PCCA: variants seen among roughly 807,000 people sequenced by gnomAD.
The protein encoded by PCCA is propionyl-CoA carboxylase alpha chain, mitochondrial.
PCCA carries 74 observed loss-of-function variants against 101.3 expected under a neutral mutation model. The ratio of observed to expected loss-of-function variants is 0.73; its 90% CI spans 0.61 to 0.89. The LOEUF (loss-of-function observed/expected upper bound fraction) is 0.89. Among genes scored for constraint, PCCA ranks in the 40% least tolerant of loss-of-function variants. The probability of loss-of-function intolerance (pLI) is 0.00; values close to 1 mark genes in which losing one functional copy is unlikely to be tolerated. For missense variants in PCCA, 891 were observed against 907.0 expected, an observed-to-expected ratio of 0.98 and a Z score of 0.23; for synonymous variants, 294 against 313.6, an observed-to-expected ratio of 0.94 and a Z score of 0.66.
At chr13:100,424,317 G>A (rs1331353262) in intron 19 of PCCA, among the ~76,000 whole-genome samples, 1 of 152,066 alleles carries the variant, frequency 6.6e-6, no homozygotes, top group Non-Finnish European at 1.5e-5. Flanking sequence ...GGGCGGGGGT[G>A]GTGCTCCTGG....
rs115931806 is a variant in PCCA at position 100,225,580 on chromosome 13, C to G, written c.601-10262C>G. Among the ~76,000 whole-genome samples the G allele has an allele frequency of 4.4e-3, 674 of 152,048 alleles. 13 individuals are homozygous for G. Among genetic ancestry groups the G allele is most frequent in the African/African-American group, 0.016 (645 of 41,476 alleles). On this transcript the variant is annotated intron_variant, in intron 7 of 23. Coordinates refer to ENST00000376285, the MANE Select transcript of PCCA (RefSeq NM_000282.4). ...GTGAAGGAAATCATTTAAAAAAGAC[C>G]CTAAAAACAAAAACCAAAAAATTGG... is the stretch of plus-strand genomic sequence containing the variant.
chr13:100,123,993 A>G (rs544173159), intron 4 of PCCA, among the ~76,000 whole-genome samples: 3 of 152,308 alleles, frequency 2.0e-5, no homozygotes, highest in South Asian at 2.1e-4. Context: ...ACATGGGCCC[A>G]TTTCATTAGT....
chr13:100,463,999 G>A (rs997709689), intron 21 of PCCA, among the ~76,000 whole-genome samples: 1 of 152,098 alleles, frequency 6.6e-6, no homozygotes, highest in African/African-American at 2.4e-5. Flanking sequence ...AATGCCTTAC[G>A]CGTGTATGGT....
chr13:100,489,660 G>A (rs4772293), intron 21 of PCCA, among the ~76,000 whole-genome samples: 51,589 of 152,088 alleles, frequency 0.34, 9,351 homozygotes, highest in East Asian at 0.57. Flanking sequence ...CGGAATGGCC[G>A]GCCAAATTTA....
At position 100,515,573 on chromosome 13, in the gene PCCA, G is replaced by C. The variant is rs1266801456; in HGVS notation, c.2040+6G>C. The stretch of plus-strand genomic sequence containing the variant: ...CTGTCAAGCCTGGAGACGCGGTAAG[G>C]GCTGTGTGTGTCTCTCTGCAGGACA... On this transcript the variant is annotated splice_donor_region_variant and intron_variant, in intron 22 of 23. Transcript: ENST00000376285. 6.2e-7 allele frequency: 1 copy of C among 1,613,168 alleles called. No homozygotes were observed. The highest frequency in any genetic ancestry group is 8.5e-7 in the Non-Finnish European group (1 of 1,179,898).
chr13:100,177,339 T>G lies in PCCA; in HGVS notation c.468+19999T>G, dbSNP rs1339846346. Among the ~76,000 whole-genome samples, 6 of 152,106 alleles carry G rather than the reference T, an allele frequency of 3.9e-5. No individual in the cohort carries two copies. In the East Asian group the frequency reaches 1.2e-3, roughly 29 times the overall value. On this transcript the variant is annotated intron_variant, in intron 6 of 23. Transcript: ENST00000376285. Reference sequence around the variant, plus strand: ...CATTGCCAGCTTTCTAGTGTCAGAGTAGTATTTATTTGTTAATTTTGTAGA... The same window carrying G: ...CATTGCCAGCTTTCTAGTGTCAGAGGAGTATTTATTTGTTAATTTTGTAGA...
At chr13:100,303,048 T>G in intron 14 of PCCA, 50 bp downstream of exon 14, 1 of 1,006,392 alleles carries the variant, frequency 9.9e-7, no homozygotes. Flanking sequence ...TCGTGATTTA[T>G]GTCATACTTT....
At chr13:100,125,344 G>T (rs1458459422) in intron 4 of PCCA, among the ~76,000 whole-genome samples, 1 of 152,100 alleles carries the variant, frequency 6.6e-6, no homozygotes, top group East Asian at 1.9e-4. Flanking sequence ...TCTTACAAAA[G>T]GTATTTATAG....
intron 13 of PCCA, among the ~76,000 whole-genome samples, chr13:100,302,692 T>C (rs994664446): frequency 6.6e-6 from 1 of 152,204 alleles, no homozygotes; most frequent in African/African-American, 2.4e-5. Flanking sequence ...TTTACCAATT[T>C]CAATAAAGTA....
intron 12 of PCCA, among the ~76,000 whole-genome samples, chr13:100,276,254 T>A (rs1385778100): frequency 2.1e-5 from 3 of 146,074 alleles, no homozygotes; most frequent in African/African-American, 7.4e-5. Flanking sequence ...ATTAGAAATC[T>A]TAGTTTGGCC....
At chr13:100,106,943 A>C (rs1295451044) in intron 2 of PCCA, among the ~76,000 whole-genome samples, 1 of 152,146 alleles carries the variant, frequency 6.6e-6, no homozygotes, top group East Asian at 1.9e-4. Context: ...GTACATGTTC[A>C]GACTAAGTTG....
intron 12 of PCCA, among the ~76,000 whole-genome samples, chr13:100,295,894 A>G (rs564322480): frequency 8.8e-4 from 134 of 152,232 alleles, no homozygotes; most frequent in Non-Finnish European, 1.5e-3. Flanking sequence ...TTTTCCCTTA[A>G]AACTGATTTT....
intron 7 of PCCA, among the ~76,000 whole-genome samples, chr13:100,233,400 A>T (rs944893136): frequency 5.1e-4 from 78 of 152,134 alleles, no homozygotes; most frequent in Admixed American, 5.0e-3. Context: ...TGAGCTTTTA[A>T]TTTAATCTTT....
intron 6 of PCCA, among the ~76,000 whole-genome samples, chr13:100,177,758 C>G (rs1289221804): frequency 1.3e-5 from 2 of 152,118 alleles, no homozygotes; most frequent in Non-Finnish European, 2.9e-5. Flanking sequence ...TAACTCAAGT[C>G]TTCAAACATT....
chr13:100,473,565 A>G (rs2083185687), intron 21 of PCCA, among the ~76,000 whole-genome samples: 1 of 152,198 alleles, frequency 6.6e-6, no homozygotes, highest in Non-Finnish European at 1.5e-5. Context: ...AATATATTTC[A>G]CGAAGAGAGC....
chr13:100,111,924 C>A (rs1340099328), intron 3 of PCCA, 36 bp downstream of exon 3: 1 of 1,591,704 alleles, frequency 6.3e-7, no homozygotes, highest in Non-Finnish European at 8.6e-7. Flanking sequence ...CCATTTTACT[C>A]TGAAATTATT....
At chr13:100,104,348 C>A (rs932810904) in intron 2 of PCCA, 2 of 152,136 alleles carry the variant, frequency 1.3e-5, no homozygotes, top group African/African-American at 4.8e-5. Flanking sequence ...TTGGCTCTGT[C>A]CCCATCCAAA....
chr13:100,229,093 A>G (rs940009909), intron 7 of PCCA, among the ~76,000 whole-genome samples: 2 of 151,456 alleles, frequency 1.3e-5, no homozygotes, highest in Non-Finnish European at 2.9e-5. Flanking sequence ...TTTTTTCCTA[A>G]TGCAACACTT....
chr13:100,377,548 G>T (rs1190165362), intron 19 of PCCA, among the ~76,000 whole-genome samples: 1 of 152,110 alleles, frequency 6.6e-6, no homozygotes, highest in African/African-American at 2.4e-5. Flanking sequence ...AGGCTGGAGT[G>T]CAGTGGCGTG....
Sources: allele counts gnomAD v4.1 joint callset (sites outside exome capture counted in the v4.1 genomes callset), GRCh38; gene constraint gnomAD v4.1.1; transcripts MANE v1.5; gene names NCBI Gene and HGNC (gene_info 2026-07-23, HGNC 2026-07-21).